The following AMPD3 variants were observed in gnomAD, a reference collection of about 807,000 sequenced individuals.
AMPD3 encodes the protein adenosine monophosphate deaminase 3.
A neutral mutation model predicts 82.3 loss-of-function variants in AMPD3; 57 were observed. That is an observed-to-expected ratio of 0.69 (90% CI 0.56 to 0.86). AMPD3 has a LOEUF of 0.86. Ranked by LOEUF, AMPD3 falls within the 40% of genes least tolerant of loss-of-function variation. The pLI is 0.00. For missense variants in AMPD3, 870 were observed against 1,003.8 expected, an observed-to-expected ratio of 0.87 and a Z score of 1.80; for synonymous variants, 381 against 394.7, an observed-to-expected ratio of 0.97 and a Z score of 0.41.
At chr11:10,491,071 TCAGC>T (rs544159093) in intron 6 of AMPD3, among the ~76,000 whole-genome samples, 1 of 152,300 alleles carries the variant, frequency 6.6e-6, no homozygotes, top group East Asian at 1.9e-4. Flanking sequence ...TTGGAGATGC[TCAGC>T]CAGCCGTGGA....
intron 2 of AMPD3, among the ~76,000 whole-genome samples, chr11:10,467,267 T>C (rs1449582359): frequency 6.6e-6 from 1 of 151,870 alleles, no homozygotes; most frequent in African/African-American, 2.4e-5. Flanking sequence ...ATAAGAACCT[T>C]GAAAAAAGGA....
intron 5 of AMPD3, 36 bp downstream of exon 5, chr11:10,485,075 C>T: frequency 6.3e-7 from 1 of 1,580,168 alleles, no homozygotes; most frequent in South Asian, 1.1e-5. Context: ...TGTCTTTGCA[C>T]AGGTGCTGTT....
In AMPD3 at chr11:10,495,534, A is replaced by G; in HGVS notation, c.1267-36A>G. On this transcript the variant is annotated intron_variant, in intron 8 of 14. Transcript: ENST00000396553. ...AGTGAGAGTCTCCCATGTAGCTGGG[A>G]TGCACTGGGGCTGACCCAAGCTCTT... 3 of 1,612,194 alleles carry G rather than the reference A, an allele frequency of 1.9e-6. No individual in the cohort carries two copies. The South Asian group carries it at 3.3e-5, about 18-fold the overall frequency.
In AMPD3 at chr11:10,506,535, C is replaced by A. The variant is rs1036689171; in HGVS notation, c.*651C>A. The A allele has an allele frequency of 2.6e-5, 4 of 154,786 alleles. No homozygotes were observed. The highest frequency in any genetic ancestry group is 7.3e-5 in the African/African-American group (3 of 41,268). 9.6% of individuals were successfully genotyped at this position (154,786 alleles called of 1,614,324 possible). On this transcript the variant is annotated 3_prime_UTR_variant, in exon 15 of 15. Coordinates refer to ENST00000396553, the MANE Select transcript of AMPD3 (RefSeq NM_001025389.2). The surrounding 1 kb of genome is among the most constrained non-coding windows in gnomAD (Gnocchi z 4.1). ...GTGAGGGTTTGGACTAGATGAGTGG[C>A]TTTCAGGGTGTTCTGTGAATCTCCT...
rs777434379 is a variant in AMPD3, at chr11:10,495,558, T to C, written c.1267-12T>C. The C allele has an allele frequency of 6.2e-7, 1 of 1,612,586 alleles. No homozygotes were observed. The highest frequency in any genetic ancestry group is 1.7e-5 in the Admixed American group (1 of 60,016). Reference sequence around the variant, plus strand: ...GATGCACTGGGGCTGACCCAAGCTCTTCTTGTGCCAGGAGGTTGCCCGGGA... The same window carrying C: ...GATGCACTGGGGCTGACCCAAGCTCCTCTTGTGCCAGGAGGTTGCCCGGGA... On this transcript the variant is annotated splice_polypyrimidine_tract_variant and intron_variant, in intron 8 of 14. Coordinates refer to ENST00000396553, the MANE Select transcript of AMPD3 (RefSeq NM_001025389.2).
chr11:10,494,827 A>T, intron 7 of AMPD3, 72 bp from the exon 8 acceptor site: 1 of 1,583,396 alleles, frequency 6.3e-7, no homozygotes, highest in East Asian at 2.2e-5. Flanking sequence ...GCCGCCTCGT[A>T]AAGGTCTAGA....
chr11:10,488,386 A>C (rs1849139989), intron 6 of AMPD3: 1 of 985,260 alleles, frequency 1.0e-6, no homozygotes, highest in Admixed American at 6.1e-5. Flanking sequence ...TGCCAGGCAG[A>C]GGGTGTGGTA....
intron 2 of AMPD3, among the ~76,000 whole-genome samples, chr11:10,476,475 T>TG (rs1554897415): frequency 0.22 from 33,149 of 150,060 alleles, 3,920 homozygotes; most frequent in Admixed American, 0.33. Flanking sequence ...GTTTTTTTTT[T>TG]TGTGTGTGTG....
rs1849550566 is a variant in AMPD3 at position 10,500,605 on chromosome 11, C to T, written c.1721+356C>T. The T allele has an allele frequency of 3.0e-6, 3 of 985,308 alleles. No individual in the cohort carries two copies. The East Asian group carries it at 3.4e-4, about 112-fold the overall frequency. 61.0% of individuals were successfully genotyped at this position (985,308 alleles called of 1,614,324 possible). On this transcript the variant is annotated intron_variant, in intron 11 of 14. Coordinates refer to ENST00000396553, the MANE Select transcript of AMPD3 (RefSeq NM_001025389.2). ...CTGTACATCCCTGAGATAATGGAAG[C>T]ATAGGACATGCTATCACACATGCAC...
intron 14 of AMPD3, chr11:10,505,276 G>C: frequency 1.0e-6 from 1 of 978,292 alleles, no homozygotes; most frequent in Non-Finnish European, 1.2e-6. Flanking sequence ...TGTGCTCGTC[G>C]GATGATGATG....
At chr11:10,470,860 C>A (rs917305274) in intron 2 of AMPD3, among the ~76,000 whole-genome samples, 5 of 152,112 alleles carry the variant, frequency 3.3e-5, no homozygotes, top group African/African-American at 4.8e-5. Context: ...TAGGAAGAAT[C>A]AATATCATGA....
chr11:10,498,270 G>C (rs1366792498), intron 10 of AMPD3: 3 of 152,416 alleles, frequency 2.0e-5, no homozygotes, highest in East Asian at 1.9e-4. Flanking sequence ...GGAGGCACTG[G>C]GGGGAGTCTA....
At chr11:10,502,605 C>A in intron 12 of AMPD3, 116 bp from the exon 13 acceptor site, 2 of 1,591,200 alleles carry the variant, frequency 1.3e-6, no homozygotes, top group Non-Finnish European at 8.5e-7. Flanking sequence ...CTTGGGCAGA[C>A]ATGGTTCAGA....
rs565091141 is a variant in AMPD3 at position 10,469,964 on chromosome 11, C to T, written c.221+8224C>T. Among the ~76,000 whole-genome samples, 34 of 149,814 alleles carry T rather than the reference C, an allele frequency of 2.3e-4. 1 individual carries two copies. In the South Asian group the frequency reaches 5.3e-3, roughly 23 times the overall value. Reference sequence around the variant, plus strand: ...CTGAGGCAGGAGAATGGCGTGAACCCGGGAGGCGGAGCTTGCAGTGAGCCG... The same window carrying T: ...CTGAGGCAGGAGAATGGCGTGAACCTGGGAGGCGGAGCTTGCAGTGAGCCG... On this transcript the variant is annotated intron_variant, in intron 2 of 14. Transcript: ENST00000396553.
At chr11:10,501,355 A>G in intron 11 of AMPD3, 115 bp from the exon 12 acceptor site, 2 of 1,517,426 alleles carry the variant, frequency 1.3e-6, no homozygotes, top group Non-Finnish European at 1.8e-6. Flanking sequence ...CTGGGTCAGC[A>G]CAGCTGACCA....
chr11:10,502,823 A>G lies in AMPD3; in HGVS notation c.1945A>G (p.Arg649Gly). Residue 649 changes from arginine (R) to glycine (G), a missense_variant, in exon 13 of 15, where the codon AGG becomes GGG. Coordinates refer to ENST00000396553, the MANE Select transcript of AMPD3 (RefSeq NM_001025389.2). ...LFLEYSKNPL[R>G]EFLHKGLHVS... is the part of the protein sequence containing the mutation. ...CCTCGAATATTCCAAGAACCCTCTG[A>G]GGGAATTCCTACACAAGGGACTGCA... 6.2e-7 allele frequency: 1 copy of G among 1,614,190 alleles called. No individual in the cohort carries two copies. Among genetic ancestry groups the G allele is most frequent in the Non-Finnish European group, 8.5e-7 (1 of 1,180,008 alleles).
chr11:10,451,840 T>C (rs1847971763), upstream of AMPD3, among the ~76,000 whole-genome samples: 1 of 152,218 alleles, frequency 6.6e-6, no homozygotes, highest in South Asian at 2.1e-4. Flanking sequence ...AGCTGGAACC[T>C]GCAGAGGAGA....
At position 10,495,049 on chromosome 11, in the gene AMPD3, T is replaced by A; in HGVS notation, c.1266+19T>A. The A allele has an allele frequency of 6.2e-7, 1 of 1,613,960 alleles. No individual in the cohort carries two copies. On this transcript the variant is annotated intron_variant, in intron 8 of 14. Coordinates refer to ENST00000396553, the MANE Select transcript of AMPD3 (RefSeq NM_001025389.2). ...GGTCAAGGTGAGTGAACCCTCAGTC[T>A]CTCTGAGGCCTCTCAGGTGCCTCCC...
chr11:10,496,996 G>T, intron 10 of AMPD3, 58 bp downstream of exon 10: 2 of 1,597,810 alleles, frequency 1.3e-6, no homozygotes, highest in African/African-American at 1.3e-5. Flanking sequence ...GAATGGATTC[G>T]CTGTGAGCTG....
Sources: allele counts gnomAD v4.1 joint callset (sites outside exome capture counted in the v4.1 genomes callset), GRCh38; gene constraint gnomAD v4.1.1; non-coding constraint Gnocchi (gnomAD v3.1); transcripts MANE v1.5; gene names NCBI Gene and HGNC (gene_info 2026-07-23, HGNC 2026-07-21).